RGS7: variants seen among roughly 807,000 people sequenced by gnomAD.
RGS7 encodes the protein regulator of G-protein signaling 7.
Under a neutral mutation model 81.1 loss-of-function variants are expected in RGS7, and 27 were observed. The observed-to-expected ratio is 0.33, with a 90% CI of 0.25 to 0.46. The LOEUF (loss-of-function observed/expected upper bound fraction) is 0.46, where lower values mean the gene tolerates loss of function less well. RGS7 is among the 20% of genes least tolerant of loss of function. RGS7 has a pLI of 1.00. For synonymous variants in RGS7, 208 were observed against 207.7 expected (o/e 1.00, Z -0.01); for missense variants, 396 against 607.4 (o/e 0.65, Z 3.66).
chr1:241,038,257 G>C (rs2060433373), intron 3 of RGS7, among the ~76,000 whole-genome samples: 1 of 152,166 alleles, frequency 6.6e-6, no homozygotes, highest in South Asian at 2.1e-4. Flanking sequence ...GAAGTGATTG[G>C]AGATCAAGCC....
At chr1:240,784,013 T>TAAAAAAAAAAA (rs71172645) in intron 18 of RGS7, among the ~76,000 whole-genome samples, 1 of 83,380 alleles carries the variant, frequency 1.2e-5, no homozygotes, top group African/African-American at 5.1e-5. Context: ...CTGTCTCTAC[T>TAAAAAAAAAAA]AAAAAAAAAA....
rs533191546 is a variant in RGS7 at position 241,139,979 on chromosome 1, T to C, written c.79-41217A>G. Reference sequence around the variant, plus strand: ...AATGGCACCCAATAATTGTCCTGTTTCTGTGTGCTACCCCTTTATGTGAAC... The same window carrying C: ...AATGGCACCCAATAATTGTCCTGTTCCTGTGTGCTACCCCTTTATGTGAAC... On this transcript the variant is annotated intron_variant, in intron 2 of 18. Transcript: ENST00000440928. 7.5e-4 allele frequency among the ~76,000 whole-genome samples: 114 copies of C among 152,316 alleles called. 1 individual carries two copies. Among genetic ancestry groups the C allele is most frequent in the African/African-American group, 2.7e-3 (111 of 41,566 alleles).
At chr1:241,140,450 A>C (rs528922248) in intron 2 of RGS7, among the ~76,000 whole-genome samples, 3 of 152,198 alleles carry the variant, frequency 2.0e-5, no homozygotes, top group African/African-American at 7.2e-5. Flanking sequence ...TTTAAATAGA[A>C]TAGAGATAGC....
intron 2 of RGS7, among the ~76,000 whole-genome samples, chr1:241,197,174 C>T (rs1214253839): frequency 6.6e-6 from 1 of 151,024 alleles, no homozygotes; most frequent in East Asian, 1.9e-4. Context: ...AAGAGACTCA[C>T]CTTAAATATA....
At chr1:241,327,045 AGGG>A (rs1553320595) in intron 2 of RGS7, among the ~76,000 whole-genome samples, 3 of 32,216 alleles carry the variant, frequency 9.3e-5, no homozygotes, top group African/African-American at 3.3e-4. Context: ...GAAGGGAGGG[AGGG>A]GAAAGGAAGG....
At chr1:240,786,281 A>AT (rs577604595) in intron 18 of RGS7, among the ~76,000 whole-genome samples, 1 of 152,038 alleles carries the variant, frequency 6.6e-6, no homozygotes, top group African/African-American at 2.4e-5. Context: ...CATGTTTAAA[A>AT]TTTTTTTTAC....
intron 6 of RGS7, among the ~76,000 whole-genome samples, chr1:240,877,567 A>C (rs924056906): frequency 6.6e-6 from 1 of 152,120 alleles, no homozygotes. Context: ...CATATCAATA[A>C]GTGCTGGTCT....
intron 18 of RGS7, among the ~76,000 whole-genome samples, chr1:240,782,224 C>T (rs1351098487): frequency 6.6e-6 from 1 of 152,142 alleles, no homozygotes; most frequent in East Asian, 1.9e-4. Context: ...TGGTTGCTCA[C>T]TCCTCCACTG....
At chr1:241,053,775 T>C (rs1421495541) in intron 3 of RGS7, among the ~76,000 whole-genome samples, 1 of 152,202 alleles carries the variant, frequency 6.6e-6, no homozygotes, top group South Asian at 2.1e-4. Context: ...GGGCAGTTTC[T>C]CCCAAACTGT....
rs1553289481 is a variant in RGS7, at chr1:241,221,006, A to AGAGGAAGGAAGGAAGG, written c.79-122245_79-122244insCCTTCCTTCCTTCCTC. Reference sequence around the variant, plus strand: ...GGAAGGAAGGAAGGAAGAGAGAGAGAAAGGAAGGAAGGAAGGAAGGAAGGA... The same window carrying AGAGGAAGGAAGGAAGG: ...GGAAGGAAGGAAGGAAGAGAGAGAGAGAGGAAGGAAGGAAGGAAGGAAGGAAGGAAGGAAGGAAGGA... On this transcript the variant is annotated intron_variant, in intron 2 of 18. Transcript: ENST00000440928. Among the ~76,000 whole-genome samples the AGAGGAAGGAAGGAAGG allele has an allele frequency of 2.5e-4, 21 of 84,648 alleles. 1 individual carries two copies. The highest frequency in any genetic ancestry group is 8.4e-4 in the African/African-American group (21 of 25,014). 55.5% of individuals were successfully genotyped at this position (84,648 alleles called of 152,430 possible). A position where few individuals can be genotyped will look rare whatever the true frequency, so the allele number is the denominator to read the frequency against.
chr1:241,325,206 A>G (rs1341458925), intron 2 of RGS7, among the ~76,000 whole-genome samples: 1 of 152,228 alleles, frequency 6.6e-6, no homozygotes, highest in African/African-American at 2.4e-5. Flanking sequence ...GTTCAAGGTG[A>G]AAAACTTTCC....
At chr1:240,935,506 A>G (rs1676467975) in intron 5 of RGS7, among the ~76,000 whole-genome samples, 1 of 152,316 alleles carries the variant, frequency 6.6e-6, no homozygotes, top group African/African-American at 2.4e-5. Flanking sequence ...TTAGGTCAGT[A>G]TCACAGTTTC....
chr1:241,122,643 G>A (rs1237847304), intron 2 of RGS7, among the ~76,000 whole-genome samples: 8 of 145,368 alleles, frequency 5.5e-5, no homozygotes, highest in African/African-American at 2.0e-4. Context: ...AGCCTGGCCA[G>A]CAAGAGAGAA....
chr1:240,786,561 AACAC>A (rs1441706187), intron 18 of RGS7, among the ~76,000 whole-genome samples: 5 of 152,192 alleles, frequency 3.3e-5, no homozygotes, highest in African/African-American at 1.2e-4. Flanking sequence ...TGTACATATA[AACAC>A]ACACAAATAC....
intron 2 of RGS7, among the ~76,000 whole-genome samples, chr1:241,243,206 A>G (rs2076346920): frequency 6.6e-6 from 1 of 152,204 alleles, no homozygotes; most frequent in African/African-American, 2.4e-5. Flanking sequence ...GTCACATTGC[A>G]TGTCAGATAT....
intron 6 of RGS7, among the ~76,000 whole-genome samples, chr1:240,884,156 G>C (rs1277732575): frequency 6.6e-6 from 1 of 151,266 alleles, no homozygotes; most frequent in Non-Finnish European, 1.5e-5. Context: ...ATCAGGGAAG[G>C]CTGTGGCGTG....
chr1:241,156,181 TAGAC>T (rs148452217), intron 2 of RGS7, among the ~76,000 whole-genome samples: 267 of 146,992 alleles, frequency 1.8e-3, no homozygotes, highest in African/African-American at 6.2e-3. Flanking sequence ...TACATATACA[TAGAC>T]AGACAGACAG....
At chr1:241,002,582 A>G (rs1386356888) in intron 3 of RGS7, among the ~76,000 whole-genome samples, 1 of 152,194 alleles carries the variant, frequency 6.6e-6, no homozygotes, top group African/African-American at 2.4e-5. Flanking sequence ...ATTTACTGAT[A>G]TTAGATTTTA....
chr1:240,870,186 C>T, intron 6 of RGS7, 67 bp from the exon 7 acceptor site: 2 of 1,375,822 alleles, frequency 1.5e-6, no homozygotes, highest in African/African-American at 1.4e-5. Flanking sequence ...AAAAGTACAA[C>T]ATTACAAATC....
Sources: gnomAD v4.1 joint callset for allele counts (sites outside exome capture counted in the v4.1 genomes callset) on GRCh38, gnomAD v4.1.1 for gene constraint, MANE v1.5 for transcripts, NCBI Gene and HGNC (gene_info 2026-07-23, HGNC 2026-07-21) for gene names.